The following TBL1Y variants were observed in gnomAD, a reference collection of about 807,000 sequenced individuals.
The protein encoded by TBL1Y is F-box-like/WD repeat-containing protein TBL1Y.
In TBL1Y, 15 loss-of-function variants were observed where a neutral mutation model predicts 12.0. The observed-to-expected ratio is 1.25, with a 90% CI of 0.83 to 1.92. The LOEUF (loss-of-function observed/expected upper bound fraction) is 1.92, where lower values mean the gene tolerates loss of function less well. TBL1Y is among the 40% of genes most tolerant of loss of function. The pLI is 0.00. For synonymous variants in TBL1Y, 53 were observed against 42.6 expected (o/e 1.24, Z -0.95); for missense variants, 148 against 116.7 (o/e 1.27, Z -1.24).
chrY:7,063,837 A>G, intron 7 of TBL1Y, 60 bp from the exon 8 acceptor site: 1 of 385,887 alleles, frequency 2.6e-6, no homozygotes, highest in Non-Finnish European at 3.7e-6. Flanking sequence ...GAGAGTAGAG[A>G]CCATTCCCAG....
intron 12 of TBL1Y, among the ~76,000 whole-genome samples, chrY:7,073,443 T>TTC (rs1448325498): frequency 0.049 from 1,380 of 28,335 alleles, no homozygotes; most frequent in South Asian, 0.24. Context: ...CATAAGGTCT[T>TTC]TCTCTCTCTC....
chrY:6,914,158 G>A, intron 2 of TBL1Y, among the ~76,000 whole-genome samples: 1 of 32,853 alleles, frequency 3.0e-5, no homozygotes, highest in Non-Finnish European at 7.4e-5. Flanking sequence ...AGCACTTTGG[G>A]ACGCCAAGCG....
At chrY:7,061,461 CTCTTTT>C (rs2012865510) in intron 7 of TBL1Y, among the ~76,000 whole-genome samples, 1 of 32,752 alleles carries the variant, frequency 3.1e-5, no homozygotes, top group Non-Finnish European at 7.5e-5. Context: ...TTCTATCTCT[CTCTTTT>C]TCTTTTTCTT....
intron 3 of TBL1Y, among the ~76,000 whole-genome samples, chrY:6,994,559 T>C: frequency 2.9e-5 from 1 of 34,200 alleles, no homozygotes; most frequent in Admixed American, 2.7e-4. Context: ...AATAATTACC[T>C]AGTGATTTCA....
At chrY:7,031,592 C>T in intron 6 of TBL1Y, among the ~76,000 whole-genome samples, 1 of 33,180 alleles carries the variant, frequency 3.0e-5, no homozygotes, top group Admixed American at 2.8e-4. Flanking sequence ...AATGGAAAGA[C>T]ATGCTCCCTC....
chrY:6,938,009 C>T (rs1046718424), intron 2 of TBL1Y, among the ~76,000 whole-genome samples: 1 of 33,452 alleles, frequency 3.0e-5, no homozygotes, highest in Non-Finnish European at 7.4e-5. Flanking sequence ...AAGAGTTAGG[C>T]TGTCTTCTGT....
At chrY:6,948,098 C>T in intron 2 of TBL1Y, among the ~76,000 whole-genome samples, 2 of 33,389 alleles carry the variant, frequency 6.0e-5, no homozygotes, top group Admixed American at 5.5e-4. Context: ...ACATAATTTT[C>T]ACTTACTATG....
chrY:6,990,558 T>C, intron 3 of TBL1Y, among the ~76,000 whole-genome samples: 12 of 19,156 alleles, frequency 6.3e-4, no homozygotes, highest in African/African-American at 2.9e-3. Flanking sequence ...TTTCTTTTTT[T>C]TTTTTTTTTT....
At chrY:6,914,134 A>T in intron 2 of TBL1Y, among the ~76,000 whole-genome samples, 1 of 33,336 alleles carries the variant, frequency 3.0e-5, no homozygotes, top group Non-Finnish European at 7.3e-5. Flanking sequence ...ATGGTGGTTC[A>T]TGCCTGTAAT....
chrY:6,929,825 C>G (rs2124098346), intron 2 of TBL1Y, among the ~76,000 whole-genome samples: 3 of 33,859 alleles, frequency 8.9e-5, no homozygotes, highest in Admixed American at 5.4e-4. Flanking sequence ...TGTTACTTCT[C>G]TTTATAGTAA....
At position 7,063,239 on chromosome Y, in the gene TBL1Y, T is replaced by C. The variant is rs769667529; in HGVS notation, c.205-658T>C. 1.5e-4 allele frequency among the ~76,000 whole-genome samples: 5 copies of C among 33,574 alleles called. No individual in the cohort carries two copies. In the East Asian group the frequency reaches 3.2e-3, roughly 21 times the overall value. 90.1% of individuals were successfully genotyped at this position (33,574 alleles called of 37,273 possible). ...AAAGAAATAGCATTCGAATATAAAATATTCTTTTTAATTCTCAGCAAGGCA... is the reference window on the plus strand; with the variant it reads ...AAAGAAATAGCATTCGAATATAAAACATTCTTTTTAATTCTCAGCAAGGCA... On this transcript the variant is annotated intron_variant, in intron 7 of 18. Transcript: ENST00000383032.
At chrY:6,991,675 G>A in intron 3 of TBL1Y, among the ~76,000 whole-genome samples, 1 of 33,521 alleles carries the variant, frequency 3.0e-5, no homozygotes, top group Non-Finnish European at 7.4e-5. Flanking sequence ...CCCTACCAGT[G>A]CGTTGATCTC....
chrY:7,003,373 T>C, intron 4 of TBL1Y, among the ~76,000 whole-genome samples: 1 of 33,727 alleles, frequency 3.0e-5, no homozygotes, highest in South Asian at 6.9e-4. Flanking sequence ...ATGTGACTTA[T>C]GGAGACCACG....
intron 2 of TBL1Y, among the ~76,000 whole-genome samples, chrY:6,937,303 G>A (rs2011909162): frequency 3.0e-5 from 1 of 33,812 alleles, no homozygotes; most frequent in Non-Finnish European, 7.3e-5. Flanking sequence ...GGGCACTTTG[G>A]CTCATGCCTG....
At chrY:6,989,084 G>A in intron 3 of TBL1Y, among the ~76,000 whole-genome samples, 5 of 33,055 alleles carry the variant, frequency 1.5e-4, no homozygotes, top group Admixed American at 5.5e-4. Flanking sequence ...GCCAGGCATG[G>A]TGGTAGATGC....
intron 4 of TBL1Y, among the ~76,000 whole-genome samples, chrY:7,012,333 G>A (rs2012524603): frequency 2.9e-5 from 1 of 33,908 alleles, no homozygotes; most frequent in Non-Finnish European, 7.3e-5. Flanking sequence ...GCAGAAATTT[G>A]AATAAAAGGA....
At chrY:7,024,978 C>T (rs2012614281) in intron 5 of TBL1Y, 57 bp from the exon 6 acceptor site, 1 of 250,239 alleles carries the variant, frequency 4.0e-6, no homozygotes, top group Non-Finnish European at 6.2e-6. Context: ...ACCTCACACA[C>T]AAAAAAAAGA....
chrY:6,945,558 G>A, intron 2 of TBL1Y, among the ~76,000 whole-genome samples: 4 of 32,744 alleles, frequency 1.2e-4, no homozygotes, highest in Admixed American at 8.6e-4. Context: ...ACAGGCACAA[G>A]CCACCCTGCC....
intron 17 of TBL1Y, among the ~76,000 whole-genome samples, chrY:7,088,132 A>G (rs2013151735): frequency 6.1e-5 from 2 of 32,705 alleles, no homozygotes; most frequent in African/African-American, 1.2e-4. Flanking sequence ...AAAAGAGTAG[A>G]AAAAGGGATG....
Sources: gnomAD v4.1 joint callset for allele counts (sites outside exome capture counted in the v4.1 genomes callset) on GRCh38, gnomAD v4.1.1 for gene constraint, MANE v1.5 for transcripts, NCBI Gene and HGNC (gene_info 2026-07-23, HGNC 2026-07-21) for gene names.